Variants in ITPK1 observed in about 807,000 individuals in gnomAD.
ITPK1 encodes inositol 1,3,4-trisphosphate 5/6-kinase.
A neutral mutation model predicts 45.3 loss-of-function variants in ITPK1; 21 were observed. That is an observed-to-expected ratio of 0.46 (90% CI 0.33 to 0.67). The LOEUF is 0.67. Among genes scored for constraint, ITPK1 ranks in the 30% least tolerant of loss-of-function variants. The probability of loss-of-function intolerance (pLI) is 0.02; values close to 1 mark genes in which losing one functional copy is unlikely to be tolerated. For missense variants in ITPK1, 474 were observed against 573.5 expected, an observed-to-expected ratio of 0.83 and a Z score of 1.77; for synonymous variants, 258 against 253.6, an observed-to-expected ratio of 1.02 and a Z score of -0.16.
At chr14:93,042,959 A>G (rs1385394053) in intron 3 of ITPK1, among the ~76,000 whole-genome samples, 2 of 152,156 alleles carry the variant, frequency 1.3e-5, no homozygotes, top group East Asian at 3.9e-4. Context: ...CGGAGGTTGT[A>G]GTGAGCCAAG....
chr14:93,076,477 C>T lies in ITPK1; in HGVS notation c.120+118G>A. ...AATCCACAGGGGAGCTAAAAACAAG[C>T]TGCACGTGAAGAAGAGAGAAAGCCG... On this transcript the variant is annotated intron_variant, in intron 3 of 10. Coordinates refer to ENST00000267615, the MANE Select transcript of ITPK1 (RefSeq NM_014216.6). This position sits in a 1 kb window ranked among gnomAD's most constrained non-coding sequence, Gnocchi z 4.3. 8.5e-7 allele frequency: 1 copy of T among 1,178,588 alleles called. No individual in the cohort carries two copies. 73.0% of individuals were successfully genotyped at this position (1,178,588 alleles called of 1,614,324 possible). A position where few individuals can be genotyped will look rare whatever the true frequency, so the allele number is the denominator to read the frequency against.
chr14:92,960,670 C>T (rs1368553846), intron 7 of ITPK1, among the ~76,000 whole-genome samples: 4 of 152,344 alleles, frequency 2.6e-5, no homozygotes, highest in Middle Eastern at 3.4e-3. Flanking sequence ...TAACTACGCT[C>T]GTGCTTCCAT....
At chr14:93,105,837 G>A (rs1219106219) in intron 2 of ITPK1, among the ~76,000 whole-genome samples, 1 of 152,044 alleles carries the variant, frequency 6.6e-6, no homozygotes, top group East Asian at 1.9e-4. Flanking sequence ...CCGAGCAGCT[G>A]GGATTACAGG....
At chr14:92,970,534 C>CCGGTT (rs1885594157) in intron 5 of ITPK1, among the ~76,000 whole-genome samples, 3 of 152,220 alleles carry the variant, frequency 2.0e-5, no homozygotes, top group Admixed American at 1.3e-4. Flanking sequence ...TCCTAGGGGC[C>CCGGTT]CATATTATAT....
chr14:92,959,024 C>T (rs1268633529), intron 7 of ITPK1, among the ~76,000 whole-genome samples: 1 of 152,156 alleles, frequency 6.6e-6, no homozygotes, highest in African/African-American at 2.4e-5. Flanking sequence ...CCAGCCGCGC[C>T]CCTACACACG....
intron 3 of ITPK1, among the ~76,000 whole-genome samples, chr14:93,019,047 G>A (rs980783437): frequency 1.3e-5 from 2 of 152,240 alleles, no homozygotes; most frequent in African/African-American, 4.8e-5. Flanking sequence ...TCTGAAGGAA[G>A]GTAGAGAGGC....
intron 2 of ITPK1, among the ~76,000 whole-genome samples, chr14:93,108,410 T>A (rs1410522983): frequency 6.6e-6 from 1 of 152,226 alleles, no homozygotes; most frequent in Non-Finnish European, 1.5e-5. Flanking sequence ...AAGTATTTAC[T>A]GAATGTCCCA....
rs1160894465 is a variant in ITPK1, at chr14:93,016,686, T to C, written c.236A>G (p.His79Arg). Residue 79 changes from histidine to arginine, a missense_variant, in exon 4 of 11, where the codon CAC becomes CGC. Physicochemically the swap from His to Arg is conservative, Grantham distance 29. This residue lies in a region of ITPK1 where 367 missense variants were observed against 480.6 expected (regional missense o/e 0.76). Transcript: ENST00000267615. This position sits in a 1 kb window ranked among gnomAD's most constrained non-coding sequence, Gnocchi z 5.0. ...ATGGTCCTCACTCACCTGGAACCTGTGCACCAGCTCCAGGGACTGGCTATC... is the reference window on the plus strand; with the variant it reads ...ATGGTCCTCACTCACCTGGAACCTGCGCACCAGCTCCAGGGACTGGCTATC... ...QNDSQSLELVHRFQEYIDAHP... is the reference protein window; with the variant it reads ...QNDSQSLELVRRFQEYIDAHP... The C allele has an allele frequency of 5.0e-6, 8 of 1,614,084 alleles. No homozygotes were observed. The highest frequency in any genetic ancestry group is 1.7e-5 in the Admixed American group (1 of 60,020).
At chr14:92,988,060 G>A (rs1886585226) in intron 5 of ITPK1, among the ~76,000 whole-genome samples, 2 of 152,232 alleles carry the variant, frequency 1.3e-5, no homozygotes, top group South Asian at 2.1e-4. Context: ...CTCAGCCTGG[G>A]TGGCAGACAA....
intron 3 of ITPK1, among the ~76,000 whole-genome samples, chr14:93,074,492 C>T (rs1221989538): frequency 1.3e-5 from 2 of 152,222 alleles, no homozygotes; most frequent in Non-Finnish European, 2.9e-5. Flanking sequence ...AGTTTGAGGT[C>T]GCGTATGGAC....
chr14:93,076,219 T>C lies in ITPK1; in HGVS notation c.120+376A>G, dbSNP rs1220578618. ...CTTCTTTTTCTAGTTAATGAGCACC[T>C]GAACCAAGTCCACCCAGGGTGAGGC... On this transcript the variant is annotated intron_variant, in intron 3 of 10. Transcript: ENST00000267615. The surrounding 1 kb of genome is among the most constrained non-coding windows in gnomAD (Gnocchi z 4.3). Among the ~76,000 whole-genome samples, 1 of 152,012 alleles carries C rather than the reference T, an allele frequency of 6.6e-6. No individual in the cohort carries two copies. Among genetic ancestry groups the C allele is most frequent in the Non-Finnish European group, 1.5e-5 (1 of 68,004 alleles).
chr14:93,017,711 G>T (rs1888257671), intron 3 of ITPK1, among the ~76,000 whole-genome samples: 5 of 152,256 alleles, frequency 3.3e-5, no homozygotes. Flanking sequence ...GCCAGAGAAG[G>T]CCACAAGCCC....
At chr14:93,038,365 T>G (rs999173346) in intron 3 of ITPK1, among the ~76,000 whole-genome samples, 7 of 152,178 alleles carry the variant, frequency 4.6e-5, no homozygotes, top group African/African-American at 1.7e-4. Context: ...AGCATTATCA[T>G]TAAAAGGTAA....
rs140408990 is a variant in ITPK1, at chr14:93,112,601, G to T, written c.95+2468C>A. On this transcript the variant is annotated intron_variant, in intron 2 of 10. Transcript: ENST00000267615. ...ACTACAGGCGCCTGCCATCATGCCC[G>T]GCTAATTTTTGTATTTTTAGTAGAG... Among the ~76,000 whole-genome samples, 244 of 151,946 alleles carry T rather than the reference G, an allele frequency of 1.6e-3. 3 individuals are homozygous for T. The South Asian group carries it at 0.043, about 27-fold the overall frequency.
intron 10 of ITPK1, 47 bp from the exon 11 acceptor site, chr14:92,941,951 G>A (rs28403599): frequency 7.9e-5 from 121 of 1,536,444 alleles, no homozygotes; most frequent in South Asian, 4.0e-4. Flanking sequence ...CCAGGGGCAC[G>A]CATCATGCAG....
chr14:93,003,870 T>C (rs1227911817), intron 4 of ITPK1, among the ~76,000 whole-genome samples: 1 of 152,258 alleles, frequency 6.6e-6, no homozygotes, highest in African/African-American at 2.4e-5. Flanking sequence ...ATTCACTTTA[T>C]GTGTGTTTCT....
chr14:92,999,608 C>G (rs1421014915), intron 4 of ITPK1, among the ~76,000 whole-genome samples: 1 of 152,244 alleles, frequency 6.6e-6, no homozygotes, highest in Non-Finnish European at 1.5e-5. Flanking sequence ...GCTCCCTTCT[C>G]TGTAGAGTGA....
At chr14:92,973,654 G>C (rs1397136595) in intron 5 of ITPK1, among the ~76,000 whole-genome samples, 34 of 152,242 alleles carry the variant, frequency 2.2e-4, no homozygotes, top group Admixed American at 2.2e-3. Context: ...AGCAGCTCTG[G>C]AAACAACCCA....
intron 5 of ITPK1, among the ~76,000 whole-genome samples, chr14:92,981,846 G>A (rs1886248710): frequency 6.6e-6 from 1 of 152,252 alleles, no homozygotes; most frequent in Admixed American, 6.5e-5. Flanking sequence ...CGCAGGGAAG[G>A]GAGTGTGCAG....
Sources: allele counts gnomAD v4.1 joint callset (sites outside exome capture counted in the v4.1 genomes callset), GRCh38; gene constraint gnomAD v4.1.1; regional missense constraint gnomAD v4.1.1; non-coding constraint Gnocchi (gnomAD v3.1); transcripts MANE v1.5; gene names NCBI Gene and HGNC (gene_info 2026-07-23, HGNC 2026-07-21).